Variants in PITPNA observed in about 807,000 individuals in gnomAD.
PITPNA encodes phosphatidylinositol transfer protein alpha.
A neutral mutation model predicts 50.3 loss-of-function variants in PITPNA; 13 were observed. The observed-to-expected ratio is 0.26, with a 90% confidence interval of 0.17 to 0.41. The LOEUF (loss-of-function observed/expected upper bound fraction) is 0.41. Ranked by LOEUF, PITPNA falls within the 10% of genes least tolerant of loss-of-function variation. The pLI is 1.00. For missense variants in PITPNA, 207 were observed against 333.4 expected (o/e 0.62, Z 2.95); for synonymous variants, 120 against 119.6 (o/e 1.00, Z -0.02).
At chr17:1,534,981 C>T (rs537403971) in intron 9 of PITPNA, among the ~76,000 whole-genome samples, 39 of 152,218 alleles carry the variant, frequency 2.6e-4, no homozygotes, top group African/African-American at 7.0e-4. Context: ...CACCCCCCAC[C>T]GCACACACAC....
intron 10 of PITPNA, among the ~76,000 whole-genome samples, chr17:1,523,369 G>A (rs2075526410): frequency 1.3e-5 from 2 of 152,192 alleles, no homozygotes; most frequent in African/African-American, 4.8e-5. Context: ...TTGAGACAGG[G>A]TCTGGCTCTG....
intron 10 of PITPNA, among the ~76,000 whole-genome samples, chr17:1,529,137 CAA>C (rs67568232): frequency 6.6e-4 from 60 of 91,038 alleles, no homozygotes; most frequent in Non-Finnish European, 9.4e-4. Flanking sequence ...GACTCCATCT[CAA>C]AAAAAAAAAA....
chr17:1,524,643 C>T (rs1288844495), intron 10 of PITPNA, among the ~76,000 whole-genome samples: 2 of 151,934 alleles, frequency 1.3e-5, no homozygotes, highest in African/African-American at 4.8e-5. Context: ...GTCAGGAGTT[C>T]AAGACCAGCC....
chr17:1,539,870 GGGATTACAGGCGTGGGCTACCACGCCCA>G (rs1458553335), intron 6 of PITPNA, among the ~76,000 whole-genome samples: 1 of 152,236 alleles, frequency 6.6e-6, no homozygotes, highest in Non-Finnish European at 1.5e-5. Context: ...CCGAGTATCT[GGGATTACAGGCGTGGGCTACCACGCCCA>G]GCTAATTTTT....
At chr17:1,535,760 ACTGT>A (rs2075612049) in intron 7 of PITPNA, 1 of 530,046 alleles carries the variant, frequency 1.9e-6, no homozygotes, top group Non-Finnish European at 3.4e-6. Context: ...GTATCACCAG[ACTGT>A]CTGAGCAGGC....
intron 10 of PITPNA, among the ~76,000 whole-genome samples, chr17:1,522,102 C>T (rs142195495): frequency 0.2 from 28,197 of 139,588 alleles, 3,722 homozygotes; most frequent in African/African-American, 0.33. Context: ...TCTCGCTCTG[C>T]CGCCCAGGCC....
chr17:1,559,810 A>G (rs1277755462), intron 1 of PITPNA: 1 of 982,232 alleles, frequency 1.0e-6, no homozygotes, highest in Admixed American at 6.1e-5. Context: ...ATGGGCTCCA[A>G]GTCTTTACTG....
chr17:1,545,632 C>T (rs58280862), intron 4 of PITPNA, among the ~76,000 whole-genome samples: 14,197 of 152,230 alleles, frequency 0.093, 834 homozygotes, highest in East Asian at 0.14. Context: ...AATTGGTTAG[C>T]GCATGGTGCT....
chr17:1,540,573 C>T (rs2151008392), intron 6 of PITPNA, among the ~76,000 whole-genome samples: 1 of 151,702 alleles, frequency 6.6e-6, no homozygotes, highest in East Asian at 1.9e-4. Flanking sequence ...CGTTGTCCTA[C>T]TAACGGGCCT....
Position 1,539,368 on chromosome 17 carries a change from T to A in PITPNA, c.373-416A>T, listed in dbSNP as rs1483124622. 2.0e-5 allele frequency among the ~76,000 whole-genome samples: 3 copies of A among 151,108 alleles called. No individual in the cohort carries two copies. The East Asian group carries it at 5.9e-4, about 30-fold the overall frequency. On this transcript the variant is annotated intron_variant, in intron 6 of 11. Coordinates refer to ENST00000313486, the MANE Select transcript of PITPNA (RefSeq NM_006224.4). Reference sequence around the variant, plus strand: ...AGGAGCTGGGCCCGAGTGATCCTCCTGTCACAGCCTCCTGAGGAGCTGGGC... The same window carrying A: ...AGGAGCTGGGCCCGAGTGATCCTCCAGTCACAGCCTCCTGAGGAGCTGGGC...
In PITPNA at chr17:1,534,646, A is replaced by G. The variant is rs757724779; in HGVS notation, c.646-425T>C. Among the ~76,000 whole-genome samples, 13 of 152,270 alleles carry G rather than the reference A, an allele frequency of 8.5e-5. No individual in the cohort carries two copies. The South Asian group carries it at 1.0e-3, about 12-fold the overall frequency. ...CATGTCGGAGGATTAAAAGGCTCTA[A>G]AACTCCTTAGACCTGCCCAGCAGAG... On this transcript the variant is annotated intron_variant, in intron 9 of 11. Coordinates refer to ENST00000313486, the MANE Select transcript of PITPNA (RefSeq NM_006224.4).
chr17:1,562,712 G>A lies in PITPNA; in HGVS notation c.-152C>T. ...CCGCCGCCCTCGCCGCGGTCGCCGC[G>A]CCGGCTCCTGCCGCCCGGGCCTCGT... On this transcript the variant is annotated 5_prime_UTR_variant, in exon 1 of 12. Transcript: ENST00000313486. The surrounding 1 kb of genome is among the most constrained non-coding windows in gnomAD (Gnocchi z 6.4). The A allele has an allele frequency of 1.2e-5, 4 of 320,840 alleles. No homozygotes were observed. The highest frequency in any genetic ancestry group is 1.8e-5 in the Non-Finnish European group (4 of 218,318). The allele number at this position is 320,840 out of a possible 1,614,324, so 19.9% of individuals were successfully genotyped here.
chr17:1,554,360 C>T (rs2075724490), intron 2 of PITPNA, among the ~76,000 whole-genome samples: 1 of 150,694 alleles, frequency 6.6e-6, no homozygotes, highest in South Asian at 2.1e-4. Context: ...ACTCCTGGCA[C>T]CCCCGGGGGG....
At chr17:1,541,717 GGCA>G in intron 5 of PITPNA, 77 bp from the exon 6 acceptor site, 1 of 906,550 alleles carries the variant, frequency 1.1e-6, no homozygotes, top group Non-Finnish European at 1.8e-6. Flanking sequence ...ACTGGAGATG[GGCA>G]TTACTGGATC....
In PITPNA at chr17:1,519,707, G is replaced by C. The variant is rs1278558964; in HGVS notation, c.*854C>G. On this transcript the variant is annotated 3_prime_UTR_variant, in exon 12 of 12. Coordinates refer to ENST00000313486, the MANE Select transcript of PITPNA (RefSeq NM_006224.4). ...GCCCCAAAGGGAAGAGGAGGAGCAG[G>C]GACTTACAGAGCTCCTCGGGGTCAG... 6.6e-6 allele frequency: 1 copy of C among 152,590 alleles called. No individual in the cohort carries two copies. Among genetic ancestry groups the C allele is most frequent in the African/African-American group, 2.4e-5 (1 of 41,410 alleles). The allele number at this position is 152,590 out of a possible 1,614,324, so 9.5% of individuals were successfully genotyped here. A position where few individuals can be genotyped will look rare whatever the true frequency, so the allele number is the denominator to read the frequency against.
intron 10 of PITPNA, among the ~76,000 whole-genome samples, chr17:1,532,560 C>T (rs942055943): frequency 5.3e-5 from 8 of 152,202 alleles, no homozygotes; most frequent in Admixed American, 2.0e-4. Flanking sequence ...AATACTTCCA[C>T]GAACCCCAAC....
At chr17:1,525,311 G>A (rs939382990) in intron 10 of PITPNA, among the ~76,000 whole-genome samples, 6 of 151,872 alleles carry the variant, frequency 4.0e-5, no homozygotes, top group Admixed American at 3.3e-4. Flanking sequence ...TTGAGACCCT[G>A]TTTCAAATGT....
intron 2 of PITPNA, among the ~76,000 whole-genome samples, chr17:1,558,251 G>A (rs2075748546): frequency 7.0e-6 from 1 of 142,742 alleles, no homozygotes; most frequent in Non-Finnish European, 1.5e-5. Context: ...AAAAAAAAGG[G>A]TCCCCAGACA....
At chr17:1,539,705 T>C (rs565879041) in intron 6 of PITPNA, among the ~76,000 whole-genome samples, 2 of 152,250 alleles carry the variant, frequency 1.3e-5, no homozygotes, top group Non-Finnish European at 2.9e-5. Flanking sequence ...CCTGAGGAGC[T>C]GGGACTATAG....
Sources: gnomAD v4.1 joint callset for allele counts (sites outside exome capture counted in the v4.1 genomes callset) on GRCh38, gnomAD v4.1.1 for gene constraint, Gnocchi (gnomAD v3.1) non-coding constraint, MANE v1.5 for transcripts, NCBI Gene and HGNC (gene_info 2026-07-23, HGNC 2026-07-21) for gene names.